The following CPLX2 variants were observed in gnomAD, a reference collection of about 807,000 sequenced individuals.
CPLX2 encodes the protein complexin 2.
CPLX2 carries 5 observed loss-of-function variants against 16.3 expected under a neutral mutation model. That is an observed-to-expected ratio of 0.31 (90% CI 0.16 to 0.64). CPLX2 has a LOEUF of 0.64. CPLX2 is among the 30% of genes least tolerant of loss of function. CPLX2 has a pLI of 0.79. For synonymous variants in CPLX2, 89 were observed against 73.2 expected, an observed-to-expected ratio of 1.22 and a Z score of -1.10; for missense variants, 144 against 181.4, an observed-to-expected ratio of 0.79 and a Z score of 1.18.
upstream of CPLX2, among the ~76,000 whole-genome samples, chr5:175,867,532 G>T (rs1412235004): frequency 1.3e-5 from 2 of 152,078 alleles, no homozygotes; most frequent in African/African-American, 4.8e-5. Context: ...TACACAACCT[G>T]CACAGCTCTA....
chr5:175,871,427 GA>G (rs1759597266), upstream of CPLX2: 1 of 108,168 alleles, frequency 9.2e-6, no homozygotes, highest in Non-Finnish European at 2.0e-5. Flanking sequence ...GAGAGAGAGA[GA>G]GAGACAGAGA....
intron 2 of CPLX2, among the ~76,000 whole-genome samples, chr5:175,825,919 GTTTTAAAT>G (rs1467092219): frequency 2.6e-5 from 2 of 77,006 alleles, no homozygotes; most frequent in African/African-American, 1.1e-4. Context: ...CCTGGAAGTG[GTTTTAAAT>G]GAATAAGTGC....
intron 2 of CPLX2, among the ~76,000 whole-genome samples, chr5:175,863,516 G>A (rs890783626): frequency 6.6e-6 from 1 of 152,192 alleles, no homozygotes; most frequent in African/African-American, 2.4e-5. Flanking sequence ...GCGAGGGCCT[G>A]GGGATTAAAT....
intron 1 of CPLX2, among the ~76,000 whole-genome samples, chr5:175,806,947 G>A (rs1758217541): frequency 6.6e-6 from 1 of 152,216 alleles, no homozygotes; most frequent in Non-Finnish European, 1.5e-5. Flanking sequence ...TAGGGGTTAT[G>A]ACATTGGCCT....
rs560523143 is a variant in CPLX2 at position 175,812,120 on chromosome 5, C to G, written c.-89+3052C>G. Reference sequence around the variant, plus strand: ...GGATCTGAGTGAGATGTGATTCTAACTCTAGACTTATGTCAGGCAGTGTTT... The same window carrying G: ...GGATCTGAGTGAGATGTGATTCTAAGTCTAGACTTATGTCAGGCAGTGTTT... On this transcript the variant is annotated intron_variant, in intron 2 of 4. Coordinates refer to the CPLX2 transcript ENST00000359546. 1.6e-4 allele frequency among the ~76,000 whole-genome samples: 25 copies of G among 152,240 alleles called. No individual in the cohort carries two copies. The South Asian group carries it at 1.9e-3, about 11-fold the overall frequency.
intron 2 of CPLX2, among the ~76,000 whole-genome samples, chr5:175,839,513 G>C (rs899864346): frequency 1.3e-5 from 2 of 152,166 alleles, no homozygotes; most frequent in Non-Finnish European, 2.9e-5. Flanking sequence ...TCGAACTCCT[G>C]ACCTCAGGTG....
intron 1 of CPLX2, among the ~76,000 whole-genome samples, chr5:175,797,423 C>A (rs1758008612): frequency 6.6e-6 from 1 of 152,060 alleles, no homozygotes; most frequent in Non-Finnish European, 1.5e-5. Context: ...ACAGAACGGT[C>A]CCGGCTCCGC....
rs1362750382 is a variant in CPLX2, at chr5:175,806,682, A to G, written c.-168-2307A>G. On this transcript the variant is annotated intron_variant, in intron 1 of 4. Coordinates refer to the CPLX2 transcript ENST00000359546. Reference sequence around the variant, plus strand: ...ATTTTGTATTTTTTTTTTTTTTAGTAGAGATGGGGTTTCTCCATGTTGGTC... The same window carrying G: ...ATTTTGTATTTTTTTTTTTTTTAGTGGAGATGGGGTTTCTCCATGTTGGTC... Among the ~76,000 whole-genome samples the G allele has an allele frequency of 1.0e-4, 15 of 144,266 alleles. No homozygotes were observed. The East Asian group carries it at 1.2e-3, about 12-fold the overall frequency. 94.6% of individuals were successfully genotyped at this position (144,266 alleles called of 152,430 possible). A position where few individuals can be genotyped will look rare whatever the true frequency, so the allele number is the denominator to read the frequency against.
Position 175,881,519 on chromosome 5 carries a change from AG to A in CPLX2, c.*1475del, listed in dbSNP as rs1397702949. 4 of 153,088 alleles carry A rather than the reference AG, an allele frequency of 2.6e-5. No homozygotes were observed. The highest frequency in any genetic ancestry group is 9.6e-5 in the African/African-American group (4 of 41,458). The allele number at this position is 153,088 out of a possible 1,614,324, so 9.5% of individuals were successfully genotyped here. ...ATGTGTTAGGTATGTGATGGGTTGT[AG>A]AAGCGTGTGTTTGAGAGAATTCAGA... On this transcript the variant is annotated 3_prime_UTR_variant, in exon 4 of 4. Transcript: ENST00000393745.
chr5:175,800,646 G>A (rs1191023977), intron 1 of CPLX2, among the ~76,000 whole-genome samples: 2 of 152,162 alleles, frequency 1.3e-5, no homozygotes, highest in Non-Finnish European at 2.9e-5. Context: ...TAGCTGAACT[G>A]CAATATGTAA....
chr5:175,818,056 A>G (rs1253202981), intron 2 of CPLX2, among the ~76,000 whole-genome samples: 1 of 152,196 alleles, frequency 6.6e-6, no homozygotes, highest in Non-Finnish European at 1.5e-5. Flanking sequence ...TAAGCGCAAG[A>G]AATGAATCCG....
chr5:175,846,403 C>T (rs547147106), intron 2 of CPLX2, among the ~76,000 whole-genome samples: 1 of 152,300 alleles, frequency 6.6e-6, no homozygotes, highest in African/African-American at 2.4e-5. Context: ...AGGTCACTTC[C>T]ATCCCCTGAG....
chr5:175,842,546 C>G (rs1192017722), intron 2 of CPLX2, among the ~76,000 whole-genome samples: 2 of 152,216 alleles, frequency 1.3e-5, no homozygotes, highest in Non-Finnish European at 2.9e-5. Context: ...TGGGAAGACA[C>G]ATGGTACCGT....
At chr5:175,837,343 C>T (rs540250654) in intron 2 of CPLX2, among the ~76,000 whole-genome samples, 1 of 152,214 alleles carries the variant, frequency 6.6e-6, no homozygotes, top group Non-Finnish European at 1.5e-5. Context: ...CTCCCCTCTT[C>T]ACCTGGAGCC....
chr5:175,813,466 T>C (rs17065519), intron 2 of CPLX2, among the ~76,000 whole-genome samples: 33,711 of 152,160 alleles, frequency 0.22, 4,330 homozygotes, highest in African/African-American at 0.36. Context: ...CCTGGGGTGG[T>C]TGAACCTAGA....
upstream of CPLX2, among the ~76,000 whole-genome samples, chr5:175,870,526 T>C (rs1037696340): frequency 6.6e-6 from 1 of 152,066 alleles, no homozygotes; most frequent in African/African-American, 2.4e-5. Flanking sequence ...GCCCCTCCTC[T>C]CCGAAGCCAT....
At position 175,872,298 on chromosome 5, in the gene CPLX2, G is replaced by T. The variant is rs1759645653; in HGVS notation, c.-89+593G>T. ...GGATGGGGGACCAAGGGGACTATTT[G>T]TCCCTTTCCGGGAGGAGCCGCCGCT... On this transcript the variant is annotated intron_variant, in intron 1 of 3. Coordinates refer to ENST00000393745, the MANE Select transcript of CPLX2 (RefSeq NM_001008220.2). The surrounding 1 kb of genome is among the most constrained non-coding windows in gnomAD (Gnocchi z 5.0). 6.6e-6 allele frequency: 1 copy of T among 152,646 alleles called. No individual in the cohort carries two copies. The highest frequency in any genetic ancestry group is 2.4e-5 in the African/African-American group (1 of 41,456). 9.5% of individuals were successfully genotyped at this position (152,646 alleles called of 1,614,324 possible).
In CPLX2 at chr5:175,860,567, A is replaced by AAGGGAGGG. The variant is rs1186882233; in HGVS notation, c.-88-18071_-88-18064dup. Among the ~76,000 whole-genome samples the AAGGGAGGG allele has an allele frequency of 2.5e-4, 26 of 105,958 alleles. 1 individual carries two copies. The highest frequency in any genetic ancestry group is 7.9e-4 in the African/African-American group (22 of 27,862). 69.5% of individuals were successfully genotyped at this position (105,958 alleles called of 152,430 possible). On this transcript the variant is annotated intron_variant, in intron 2 of 4. Coordinates refer to the CPLX2 transcript ENST00000359546. ...TAGATAGAAAGAAAGAAAGAAAAAGAAGGGAGGGAGGGAGGGAGGGAAGGA... is the reference window on the plus strand; with the variant it reads ...TAGATAGAAAGAAAGAAAGAAAAAGAAGGGAGGGAGGGAGGGAGGGAGGGAGGGAAGGA...
chr5:175,843,345 C>A (rs1031246746), intron 2 of CPLX2, among the ~76,000 whole-genome samples: 1 of 152,236 alleles, frequency 6.6e-6, no homozygotes, highest in Admixed American at 6.5e-5. Flanking sequence ...TGTGGTCTCA[C>A]GCATGCACAC....
Sources: allele counts gnomAD v4.1 joint callset (sites outside exome capture counted in the v4.1 genomes callset), GRCh38; gene constraint gnomAD v4.1.1; non-coding constraint Gnocchi (gnomAD v3.1); transcripts MANE v1.5; gene names NCBI Gene and HGNC (gene_info 2026-07-23, HGNC 2026-07-21).